PKHD1L1: variants seen among roughly 807,000 people sequenced by gnomAD.
PKHD1L1 encodes PKHD1 like 1.
In PKHD1L1, 434 loss-of-function variants were observed where a neutral mutation model predicts 462.9. That is an observed-to-expected ratio of 0.94 (90% CI 0.87 to 1.02). The LOEUF (loss-of-function observed/expected upper bound fraction) is 1.02, where lower values mean the gene tolerates loss of function less well. PKHD1L1 is among the 50% of genes least tolerant of loss of function. The pLI, the probability that PKHD1L1 is intolerant of heterozygous loss-of-function variation, is 0.00. For synonymous variants in PKHD1L1, 1,781 were observed against 1,750.0 expected, an observed-to-expected ratio of 1.02 and a Z score of -0.44; for missense variants, 5,202 against 5,096.1, an observed-to-expected ratio of 1.02 and a Z score of -0.63.
chr8:109,506,047 C>G (rs916332882), intron 68 of PKHD1L1, among the ~76,000 whole-genome samples: 10 of 152,206 alleles, frequency 6.6e-5, no homozygotes, highest in Admixed American at 6.5e-4. Flanking sequence ...CAGAGCCCCT[C>G]TTCAGTAGGC....
rs2022935 is a variant in PKHD1L1, at chr8:109,533,281, A to G, written c.*3191A>G. On this transcript the variant is annotated 3_prime_UTR_variant, in exon 78 of 78. Transcript: ENST00000378402. ...TCAACTGTAAAATGTGGAAAGTGTG[A>G]CATCTGAAGACTGATGGTATCATAT... is the stretch of plus-strand genomic sequence containing the variant. Among the ~76,000 whole-genome samples the G allele has an allele frequency of 0.82, 124,782 of 152,246 alleles. 51,469 individuals are homozygous for G. Among genetic ancestry groups the G allele is most frequent in the Middle Eastern group, 0.95 (279 of 294 alleles).
intron 21 of PKHD1L1, among the ~76,000 whole-genome samples, 156 bp downstream of exon 21, chr8:109,413,701 C>T (rs1248712998): frequency 6.6e-6 from 1 of 151,986 alleles, no homozygotes; most frequent in Non-Finnish European, 1.5e-5. Flanking sequence ...GTTTTCCTAT[C>T]TTACACATGT....
chr8:109,369,239 A>G (rs1056182288), intron 2 of PKHD1L1, among the ~76,000 whole-genome samples: 3 of 152,196 alleles, frequency 2.0e-5, no homozygotes, highest in African/African-American at 7.2e-5. Flanking sequence ...GGCCTCCCAA[A>G]GTACTGGGAT....
At chr8:109,404,780 T>G in intron 15 of PKHD1L1, 67 bp downstream of exon 15, 1 of 1,405,604 alleles carries the variant, frequency 7.1e-7, no homozygotes, top group South Asian at 1.5e-5. Context: ...AATTTGATTA[T>G]TAATTTTACT....
intron 6 of PKHD1L1, 36 bp downstream of exon 6, chr8:109,385,666 C>A: frequency 7.7e-7 from 1 of 1,304,944 alleles, no homozygotes; most frequent in Non-Finnish European, 1.1e-6. Context: ...TCTTATAACT[C>A]ATAAATGAGA....
Position 109,443,775 on chromosome 8 carries a change from G to C in PKHD1L1, c.4664G>C (p.Arg1555Thr). 1.9e-6 allele frequency: 3 copies of C among 1,613,830 alleles called. No homozygotes were observed. Among genetic ancestry groups the C allele is most frequent in the Non-Finnish European group, 2.5e-6 (3 of 1,179,774 alleles). The change falls in exon 37 of 78, where the codon AGA becomes ACA. Residue 1555 changes from arginine to threonine, a missense_variant. Physicochemically the swap from Arg to Thr is moderately conservative, Grantham distance 71. This residue lies in a region of PKHD1L1 where 4,497 missense variants were observed against 4,336.8 expected (regional missense o/e 1.04). Transcript: ENST00000378402. The stretch of plus-strand genomic sequence containing the variant: ...AATACCAGGGTTAAAAATTCAAAAA[G>C]ATTGCTATTTGAGGTTTCAAGTTGT... Reference protein sequence around the residue: ...LNNTRVKNSKRLLFEVSSCFS... With the variant: ...LNNTRVKNSKTLLFEVSSCFS...
intron 76 of PKHD1L1, among the ~76,000 whole-genome samples, chr8:109,525,725 A>G (rs1179516381): frequency 2.0e-5 from 3 of 152,202 alleles, no homozygotes; most frequent in Non-Finnish European, 4.4e-5. Flanking sequence ...AAATTAATAA[A>G]AAAATTCACC....
At chr8:109,461,749 A>T (rs1563570919) in intron 47 of PKHD1L1, 23 bp from the exon 48 acceptor site, 1 of 1,588,376 alleles carries the variant, frequency 6.3e-7, no homozygotes, top group Admixed American at 1.8e-5. Context: ...TTTTTTAATG[A>T]TGCTTTAAAA....
In PKHD1L1 at chr8:109,515,284, C is replaced by A. The variant is rs761639756; in HGVS notation, c.11668C>A (p.Leu3890Ile). The change falls in exon 72 of 78, where the codon CTT (leucine) becomes ATT (isoleucine). Residue 3890 changes from leucine to isoleucine, a missense_variant. Leu to Ile is a conservative substitution (Grantham distance 5). Transcript: ENST00000378402. The stretch of plus-strand genomic sequence containing the variant: ...GAATGCCCAGCAGAAACACTGTGAA[C>A]TTAATAACCATCTGTACAAAGGTAT... ...IWNAQQKHCE[L>I]NNHLYKDQFL... 5 of 1,597,768 alleles carry A rather than the reference C, an allele frequency of 3.1e-6. No individual in the cohort carries two copies. In the South Asian group the frequency reaches 3.4e-5, roughly 11 times the overall value.
chr8:109,389,499 AGTGTGTGTGTGTGTGTGTGTGTGTGT>A (rs55680302), intron 8 of PKHD1L1, among the ~76,000 whole-genome samples: 5 of 140,878 alleles, frequency 3.5e-5, no homozygotes, highest in Non-Finnish European at 7.7e-5. Flanking sequence ...ATCTTTTAAG[AGTGTGTGTGTGTGTGTGTGTGTGTGT>A]GTGTGTGTGT....
intron 19 of PKHD1L1, among the ~76,000 whole-genome samples, chr8:109,411,537 T>A (rs575932747): frequency 7.2e-5 from 11 of 152,310 alleles, no homozygotes; most frequent in African/African-American, 2.4e-4. Context: ...GGATGGTACA[T>A]GTAATTTACC....
chr8:109,475,285 T>C lies in PKHD1L1; in HGVS notation c.8757+16T>C, dbSNP rs1354535626. On this transcript the variant is annotated intron_variant, in intron 51 of 77. Coordinates refer to ENST00000378402, the MANE Select transcript of PKHD1L1 (RefSeq NM_177531.6). ...TGGATTCAAGGTAAAAATATTTATC[T>C]TCTAATGATTATAATTGTGTATTAC... 2 of 1,564,952 alleles carry C rather than the reference T, an allele frequency of 1.3e-6. No individual in the cohort carries two copies. Among genetic ancestry groups the C allele is most frequent in the Non-Finnish European group, 1.7e-6 (2 of 1,146,498 alleles).
At chr8:109,366,351 T>G (rs1811229227) in intron 2 of PKHD1L1, among the ~76,000 whole-genome samples, 1 of 152,216 alleles carries the variant, frequency 6.6e-6, no homozygotes, top group Non-Finnish European at 1.5e-5. Flanking sequence ...TATAGATGAC[T>G]AAAAACGTGT....
rs567959237 is a variant in PKHD1L1 at position 109,530,128 on chromosome 8, A to C, written c.*38A>C. The C allele has an allele frequency of 9.5e-6, 12 of 1,266,652 alleles. No homozygotes were observed. In the East Asian group the frequency reaches 3.4e-4, roughly 36 times the overall value. 78.5% of individuals were successfully genotyped at this position (1,266,652 alleles called of 1,614,324 possible). ...AAGAATAGGCTGAAACAAAAATATAAGAATTATTAGCTACTTTGTTGGGCA... is the reference window on the plus strand; with the variant it reads ...AAGAATAGGCTGAAACAAAAATATACGAATTATTAGCTACTTTGTTGGGCA... On this transcript the variant is annotated 3_prime_UTR_variant, in exon 78 of 78. Coordinates refer to ENST00000378402, the MANE Select transcript of PKHD1L1 (RefSeq NM_177531.6).
At chr8:109,399,430 A>G (rs1426191331) in intron 12 of PKHD1L1, among the ~76,000 whole-genome samples, 1 of 152,030 alleles carries the variant, frequency 6.6e-6, no homozygotes, top group Non-Finnish European at 1.5e-5. Flanking sequence ...AAAAAAAAAG[A>G]GAGATGGCTC....
intron 2 of PKHD1L1, among the ~76,000 whole-genome samples, chr8:109,375,548 C>T (rs1237475878): frequency 2.0e-5 from 3 of 152,196 alleles, no homozygotes. Context: ...TGGTGAGGAG[C>T]TGTGTTCCTT....
chr8:109,460,295 T>A (rs1310791605), intron 47 of PKHD1L1, among the ~76,000 whole-genome samples: 1 of 152,190 alleles, frequency 6.6e-6, no homozygotes, highest in African/African-American at 2.4e-5. Context: ...AATCCTTGAC[T>A]GTCAGAGCTT....
At chr8:109,527,152 C>T (rs1446263792) in intron 77 of PKHD1L1, 132 bp downstream of exon 77, 4 of 770,276 alleles carry the variant, frequency 5.2e-6, no homozygotes, top group Non-Finnish European at 8.2e-6. Context: ...GCCTCAATAG[C>T]AGAGACAAGA....
chr8:109,497,327 G>C, intron 65 of PKHD1L1, 55 bp downstream of exon 65: 2 of 1,557,856 alleles, frequency 1.3e-6, no homozygotes, highest in Non-Finnish European at 1.8e-6. Flanking sequence ...GAGAAGGGTG[G>C]AATTTCTGAA....
Sources: allele counts gnomAD v4.1 joint callset (sites outside exome capture counted in the v4.1 genomes callset), GRCh38; gene constraint gnomAD v4.1.1; regional missense constraint gnomAD v4.1.1; transcripts MANE v1.5; gene names NCBI Gene and HGNC (gene_info 2026-07-23, HGNC 2026-07-21).